THBS1: variants seen among roughly 807,000 people sequenced by gnomAD.
The protein encoded by THBS1 is thrombospondin-1.
A neutral mutation model predicts 126.1 loss-of-function variants in THBS1; 29 were observed. The observed-to-expected ratio is 0.23, with a 90% confidence interval of 0.17 to 0.31. The LOEUF (loss-of-function observed/expected upper bound fraction) is 0.31, where lower values mean the gene tolerates loss of function less well. THBS1 is among the 10% of genes least tolerant of loss of function. The pLI is 1.00. For missense variants in THBS1, 1,198 were observed against 1,545.2 expected (o/e 0.78, Z 3.77); for synonymous variants, 496 against 577.8 (o/e 0.86, Z 2.03).
intron 3 of THBS1, 49 bp from the exon 4 acceptor site, chr15:39,583,566 ATC>A: frequency 4.2e-6 from 3 of 716,662 alleles, no homozygotes; most frequent in South Asian, 1.4e-5. Context: ...CCCCAACCCC[ATC>A]CCCACCCCGC....
chr15:39,583,594 T>C, intron 3 of THBS1, 23 bp from the exon 4 acceptor site: 2 of 1,570,488 alleles, frequency 1.3e-6, no homozygotes, highest in South Asian at 1.1e-5. Context: ...ATTCTACAAG[T>C]AATGTGTGTC....
Position 39,589,244 on chromosome 15 carries a change from C to G in THBS1, c.1816C>G (p.His606Asp). Reference sequence around the variant, plus strand: ...TGCCTGCTTCAACCACAATGGAGAGCACCGGTGTGAGAACACGGACCCCGG... The same window carrying G: ...TGCCTGCTTCAACCACAATGGAGAGGACCGGTGTGAGAACACGGACCCCGG... The part of the protein sequence containing the change: ...PDACFNHNGE[H>D]RCENTDPGYN... The change falls in exon 12 of 22, where the codon CAC becomes GAC. Residue 606 changes from histidine to aspartate, a missense_variant. By Grantham distance (81) the His-to-Asp change is moderately conservative. Around this residue, in one of 4 missense-constraint regions of THBS1, gnomAD observed 663 missense variants for 860.1 expected, o/e 0.77. Transcript: ENST00000260356. This position sits in a 1 kb window ranked among gnomAD's most constrained non-coding sequence, Gnocchi z 4.7. 13 of 1,614,140 alleles carry G rather than the reference C, an allele frequency of 8.1e-6. No homozygotes were observed. The highest frequency in any genetic ancestry group is 1.1e-5 in the Non-Finnish European group (13 of 1,180,028).
chr15:39,595,393 C>T lies in THBS1; in HGVS notation c.*24C>T. 6.7e-7 allele frequency: 1 copy of T among 1,496,472 alleles called. No homozygotes were observed. Among genetic ancestry groups the T allele is most frequent in the African/African-American group, 1.4e-5 (1 of 71,534 alleles). The allele number at this position is 1,496,472 out of a possible 1,614,324, so 92.7% of individuals were successfully genotyped here. ...AATCATCAAATTGTTGATTGAAAGACTGATCATAAACCAATGCTGGTATTG... is the reference window on the plus strand; with the variant it reads ...AATCATCAAATTGTTGATTGAAAGATTGATCATAAACCAATGCTGGTATTG... On this transcript the variant is annotated 3_prime_UTR_variant, in exon 22 of 22. Transcript: ENST00000260356.
chr15:39,587,135 A>T, intron 7 of THBS1: 1 of 406,750 alleles, frequency 2.5e-6, no homozygotes, highest in Non-Finnish European at 4.3e-6. Context: ...AATTAGCTTG[A>T]CGGTGGTAAT....
rs546048349 is a variant in THBS1, at chr15:39,592,309, T to C, written c.2533-259T>C. ...TAATTAAATATCACTCTATTTGACC[T>C]TATTTAGAAAGTTTTATATGTAAAA... is the stretch of plus-strand genomic sequence containing the variant. On this transcript the variant is annotated intron_variant, in intron 16 of 21. Coordinates refer to ENST00000260356, the MANE Select transcript of THBS1 (RefSeq NM_003246.4). This position sits in a 1 kb window ranked among gnomAD's most constrained non-coding sequence, Gnocchi z 4.3. 2.0e-4 allele frequency among the ~76,000 whole-genome samples: 30 copies of C among 152,370 alleles called. No individual in the cohort carries two copies. The highest frequency in any genetic ancestry group is 7.2e-4 in the African/African-American group (30 of 41,596).
chr15:39,595,807 C>T lies in THBS1; in HGVS notation c.*438C>T, dbSNP rs1566843145. 3 of 460,236 alleles carry T rather than the reference C, an allele frequency of 6.5e-6. No individual in the cohort carries two copies. The highest frequency in any genetic ancestry group is 1.3e-5 in the Non-Finnish European group (3 of 229,950). 28.5% of individuals were successfully genotyped at this position (460,236 alleles called of 1,614,324 possible). On this transcript the variant is annotated 3_prime_UTR_variant, in exon 22 of 22. Coordinates refer to ENST00000260356, the MANE Select transcript of THBS1 (RefSeq NM_003246.4). Reference sequence around the variant, plus strand: ...ACCCTGACATCCTCCTTCAGGAACACGGGGAGCAGAGGCCAAAGCACTAAG... The same window carrying T: ...ACCCTGACATCCTCCTTCAGGAACATGGGGAGCAGAGGCCAAAGCACTAAG...
chr15:39,582,498 G>T lies in THBS1; in HGVS notation c.373G>T (p.Ala125Ser). Residue 125 changes from alanine to serine, a missense_variant, in exon 3 of 22, where the codon GCG (alanine) becomes TCG (serine). Physicochemically the swap from Ala to Ser is moderately conservative, Grantham distance 99. Coordinates refer to ENST00000260356, the MANE Select transcript of THBS1 (RefSeq NM_003246.4). ...CTTCAGCGTGGTGTCCAATGGCAAG[G>T]CGGGCACCCTGGACCTCAGCCTGAC... ...QVFSVVSNGK[A>S]GTLDLSLTVQ... 1 of 1,614,192 alleles carries T rather than the reference G, an allele frequency of 6.2e-7. No homozygotes were observed. The highest frequency in any genetic ancestry group is 8.5e-7 in the Non-Finnish European group (1 of 1,180,012).
chr15:39,582,043 A>T, intron 2 of THBS1, 119 bp downstream of exon 2: 1 of 1,339,656 alleles, frequency 7.5e-7, no homozygotes, highest in Non-Finnish European at 1.0e-6. Flanking sequence ...ATCAGGACGC[A>T]GCTTCACTCT....
At chr15:39,587,739 T>C (rs1331877664) in intron 8 of THBS1, among the ~76,000 whole-genome samples, 3 of 152,224 alleles carry the variant, frequency 2.0e-5, no homozygotes, top group Non-Finnish European at 2.9e-5. Context: ...TAAGTTTATC[T>C]TGAGCATTTT....
intron 7 of THBS1, chr15:39,586,652 A>G (rs1890213249): frequency 6.6e-6 from 1 of 152,242 alleles, no homozygotes; most frequent in Non-Finnish European, 1.5e-5. Flanking sequence ...GGCTGCCTTC[A>G]CACTCATCTG....
Position 39,588,647 on chromosome 15 carries a change from C to T in THBS1, c.1593C>T (p.Cys531=), listed in dbSNP as rs375882414. The change falls in exon 10 of 22, where the codon TGC becomes TGT. Residue 531 remains cysteine, a synonymous_variant. Coordinates refer to ENST00000260356, the MANE Select transcript of THBS1 (RefSeq NM_003246.4). ...CACCCCAGTTTGGAGGCAAGGACTGCGTTGGTGATGTAACAGAAAACCAGA... is the reference window on the plus strand; with the variant it reads ...CACCCCAGTTTGGAGGCAAGGACTGTGTTGGTGATGTAACAGAAAACCAGA... The part of the protein sequence containing the change: ...NPTPQFGGKD[C]VGDVTENQIC... The T allele has an allele frequency of 1.7e-5, 27 of 1,607,560 alleles. No individual in the cohort carries two copies. Among genetic ancestry groups the T allele is most frequent in the East Asian group, 2.2e-5 (1 of 44,848 alleles).
Position 39,587,530 on chromosome 15 carries a change from T to C in THBS1, c.1294+10T>C. 6.2e-7 allele frequency: 1 copy of C among 1,606,080 alleles called. No individual in the cohort carries two copies. The highest frequency in any genetic ancestry group is 8.5e-7 in the Non-Finnish European group (1 of 1,174,668). ...GAGTGTGACAAGAGATGTAAGCATC[T>C]TAGCCTCTCAGGGACGTGGAGAACT... is the stretch of plus-strand genomic sequence containing the variant. On this transcript the variant is annotated intron_variant, in intron 8 of 21. Transcript: ENST00000260356.
rs955881267 is a variant in THBS1, at chr15:39,584,040, T to A, written c.756T>A (p.Pro252=). The change falls in exon 5 of 22, where the codon CCT becomes CCA. Residue 252 remains proline (P), a synonymous_variant. Transcript: ENST00000260356. ...ACAACGTGGTGAATGGTTCCAGCCC[T>A]GCCATCCGCACTAACTACATTGGCC... ...LDNNVVNGSS[P]AIRTNYIGHK... 2 of 1,614,232 alleles carry A rather than the reference T, an allele frequency of 1.2e-6. No homozygotes were observed. The highest frequency in any genetic ancestry group is 4.5e-5 in the East Asian group (2 of 44,878).
At chr15:39,581,552 G>T (rs1401926001) in intron 1 of THBS1, among the ~76,000 whole-genome samples, 3 of 151,752 alleles carry the variant, frequency 2.0e-5, no homozygotes, top group African/African-American at 7.3e-5. Flanking sequence ...TACAGTTCCT[G>T]ATCTTGCTCA....
At chr15:39,587,660 CT>C in intron 8 of THBS1, 140 bp downstream of exon 8, 1 of 885,764 alleles carries the variant, frequency 1.1e-6, no homozygotes, top group Non-Finnish European at 1.7e-6. Flanking sequence ...GCTGTGCACC[CT>C]TGAACACAAC....
At chr15:39,581,644 C>A in intron 1 of THBS1, 185 bp from the exon 2 acceptor site, 1 of 430,276 alleles carries the variant, frequency 2.3e-6, no homozygotes, top group Middle Eastern at 6.4e-4. Context: ...CTCCACCTCT[C>A]TCTCTCTCTC....
chr15:39,585,358 G>C (rs556504368), intron 6 of THBS1, 112 bp from the exon 7 acceptor site: 11 of 860,410 alleles, frequency 1.3e-5, no homozygotes, highest in South Asian at 8.9e-5. Flanking sequence ...TTCCACTAGA[G>C]CATTGACAGC....
In THBS1 at chr15:39,595,983, C is replaced by G. The variant is rs1216462315; in HGVS notation, c.*614C>G. ...GCTGATTAACCCATGTAAATAGGCA[C>G]TTAAATAGAAGCAGGAAAGGGAGAC... is the stretch of plus-strand genomic sequence containing the variant. On this transcript the variant is annotated 3_prime_UTR_variant, in exon 22 of 22. Coordinates refer to ENST00000260356, the MANE Select transcript of THBS1 (RefSeq NM_003246.4). 2.7e-5 allele frequency: 11 copies of G among 400,666 alleles called. No homozygotes were observed. Among genetic ancestry groups the G allele is most frequent in the Non-Finnish European group, 5.6e-5 (11 of 197,302 alleles). 24.8% of individuals were successfully genotyped at this position (400,666 alleles called of 1,614,324 possible). A position where few individuals can be genotyped will look rare whatever the true frequency, so the allele number is the denominator to read the frequency against.
chr15:39,592,726 T>A lies in THBS1; in HGVS notation c.2691T>A (p.Asp897Glu). 1 of 1,614,172 alleles carries A rather than the reference T, an allele frequency of 6.2e-7. No individual in the cohort carries two copies. The stretch of plus-strand genomic sequence containing the variant: ...GCAAGGGAGATGCCTGTGACCACGA[T>A]GATGACAACGATGGCATTCCTGATG... ...KDGKGDACDH[D>E]DDNDGIPDDK... is the part of the protein sequence containing the mutation. The change falls in exon 17 of 22, where the codon GAT becomes GAA. Residue 897 changes from aspartate (D) to glutamate (E), a missense_variant. Asp to Glu is a conservative substitution (Grantham distance 45). Around this residue, in one of 4 missense-constraint regions of THBS1, gnomAD observed 255 missense variants for 373.9 expected, o/e 0.68. Transcript: ENST00000260356. The surrounding 1 kb of genome is among the most constrained non-coding windows in gnomAD (Gnocchi z 4.3).
Sources: allele counts gnomAD v4.1 joint callset (sites outside exome capture counted in the v4.1 genomes callset), GRCh38; gene constraint gnomAD v4.1.1; regional missense constraint gnomAD v4.1.1; non-coding constraint Gnocchi (gnomAD v3.1); transcripts MANE v1.5; gene names NCBI Gene and HGNC (gene_info 2026-07-23, HGNC 2026-07-21).